SZRD1: variants seen among roughly 807,000 people sequenced by gnomAD.
The protein encoded by SZRD1 is SUZ RNA binding domain containing 1.
SZRD1 carries 7 observed loss-of-function variants against 17.6 expected under a neutral mutation model. The ratio of observed to expected loss-of-function variants is 0.40; its 90% CI spans 0.23 to 0.75. The LOEUF is 0.75. Among genes scored for constraint, SZRD1 ranks in the 30% least tolerant of loss-of-function variants. The probability of loss-of-function intolerance (pLI) is 0.38; values close to 1 mark genes in which losing one functional copy is unlikely to be tolerated. For synonymous variants in SZRD1, 77 were observed against 77.9 expected, an observed-to-expected ratio of 0.99 and a Z score of 0.06; for missense variants, 178 against 201.8, an observed-to-expected ratio of 0.88 and a Z score of 0.71.
chr1:16,389,357 C>T (rs1205899412), intron 1 of SZRD1, among the ~76,000 whole-genome samples: 3 of 152,042 alleles, frequency 2.0e-5, no homozygotes, highest in African/African-American at 4.8e-5. Flanking sequence ...CTTCGCCTCC[C>T]GGGTTCACGC....
chr1:16,367,449 C>G (rs2082839704), intron 1 of SZRD1, 141 bp downstream of exon 1: 3 of 749,726 alleles, frequency 4.0e-6, no homozygotes, highest in Non-Finnish European at 6.2e-6. Flanking sequence ...GCCCCCAGTT[C>G]CTGAGCGCCG....
At position 16,373,651 on chromosome 1, in the gene SZRD1, G is replaced by C. The variant is rs187478228; in HGVS notation, c.51+6343G>C. Among the ~76,000 whole-genome samples the C allele has an allele frequency of 3.3e-5, 5 of 150,698 alleles. No homozygotes were observed. In the East Asian group the frequency reaches 9.8e-4, roughly 29 times the overall value. ...TCTCACTCTGTCACCCAGGCTGAGC[G>C]CAGTGGTGCAATGATGACTTACTGC... is the stretch of plus-strand genomic sequence containing the variant. On this transcript the variant is annotated intron_variant, in intron 1 of 3. Coordinates refer to ENST00000401088, the MANE Select transcript of SZRD1 (RefSeq NM_001114600.3).
At chr1:16,369,222 A>G in intron 1 of SZRD1, 1 of 511,702 alleles carries the variant, frequency 2.0e-6, no homozygotes, top group Non-Finnish European at 3.5e-6. Context: ...CTTTGCTGTT[A>G]GTAACTAGGA....
At position 16,391,425 on chromosome 1, in the gene SZRD1, G is replaced by T; in HGVS notation, c.101+1G>T. On this transcript the variant is annotated splice_donor_variant, in intron 2 of 3. Transcript: ENST00000401088. LOFTEE classifies it high-confidence loss of function. The surrounding 1 kb of genome is among the most constrained non-coding windows in gnomAD (Gnocchi z 4.3). ...AACTGAAGATCACACAAAAAGAGAGGTAAGGCTGCTGTCTGGTCTGAGGGC... is the reference window on the plus strand; with the variant it reads ...AACTGAAGATCACACAAAAAGAGAGTTAAGGCTGCTGTCTGGTCTGAGGGC... 1 of 1,548,944 alleles carries T rather than the reference G, an allele frequency of 6.5e-7. No homozygotes were observed. Among genetic ancestry groups the T allele is most frequent in the Non-Finnish European group, 8.7e-7 (1 of 1,146,258 alleles).
Position 16,395,396 on chromosome 1 carries a change from G to T in SZRD1, c.*256G>T. 2.0e-6 allele frequency: 1 copy of T among 499,424 alleles called. No individual in the cohort carries two copies. Among genetic ancestry groups the T allele is most frequent in the Non-Finnish European group, 3.7e-6 (1 of 271,884 alleles). 30.9% of individuals were successfully genotyped at this position (499,424 alleles called of 1,614,324 possible). On this transcript the variant is annotated 3_prime_UTR_variant, in exon 4 of 4. Coordinates refer to ENST00000401088, the MANE Select transcript of SZRD1 (RefSeq NM_001114600.3). ...AGTCAATGGAAAGGGAAAGGGTGGG[G>T]GTTAGGGGAAGGTTGGGGGGACCCA...
chr1:16,370,870 A>G (rs139828322), intron 1 of SZRD1, among the ~76,000 whole-genome samples: 6 of 152,168 alleles, frequency 3.9e-5, no homozygotes, highest in South Asian at 2.1e-4. Flanking sequence ...TCCCTTTTCA[A>G]ATTTCACAAA....
At chr1:16,374,005 T>C (rs952975285) in intron 1 of SZRD1, among the ~76,000 whole-genome samples, 1 of 152,094 alleles carries the variant, frequency 6.6e-6, no homozygotes, top group Non-Finnish European at 1.5e-5. Flanking sequence ...CACTCTGGGG[T>C]CCCCAATGCT....
At position 16,376,543 on chromosome 1, in the gene SZRD1, C is replaced by T. The variant is rs538377011; in HGVS notation, c.51+9235C>T. On this transcript the variant is annotated intron_variant, in intron 1 of 3. Transcript: ENST00000401088. ...TTATTGGGCAGGGCGCATTGGGTCA[C>T]GCCTGTAATCCCAGCACTTTGGGGG... Among the ~76,000 whole-genome samples the T allele has an allele frequency of 7.9e-5, 12 of 152,248 alleles. No individual in the cohort carries two copies. The South Asian group carries it at 2.5e-3, about 32-fold the overall frequency.
intron 1 of SZRD1, among the ~76,000 whole-genome samples, chr1:16,381,762 T>C (rs1453767642): frequency 6.6e-6 from 1 of 150,504 alleles, no homozygotes; most frequent in Non-Finnish European, 1.5e-5. Flanking sequence ...TGAAGCTCTG[T>C]CTCTACTAAA....
Position 16,391,250 on chromosome 1 carries a change from A to G in SZRD1, c.52-125A>G, listed in dbSNP as rs866267862. On this transcript the variant is annotated intron_variant, in intron 1 of 3. Coordinates refer to ENST00000401088, the MANE Select transcript of SZRD1 (RefSeq NM_001114600.3). This position sits in a 1 kb window ranked among gnomAD's most constrained non-coding sequence, Gnocchi z 4.3. ...CCCCAAAATCTAGTCCACATTTGTTATGTTGAAGGACACAGTCATGTCCCT... is the reference window on the plus strand; with the variant it reads ...CCCCAAAATCTAGTCCACATTTGTTGTGTTGAAGGACACAGTCATGTCCCT... 2 of 706,030 alleles carry G rather than the reference A, an allele frequency of 2.8e-6. No homozygotes were observed. Among genetic ancestry groups the G allele is most frequent in the South Asian group, 1.9e-5 (1 of 53,082 alleles). 43.7% of individuals were successfully genotyped at this position (706,030 alleles called of 1,614,324 possible). A position where few individuals can be genotyped will look rare whatever the true frequency, so the allele number is the denominator to read the frequency against.
intron 1 of SZRD1, among the ~76,000 whole-genome samples, chr1:16,389,169 C>T (rs1441719022): frequency 6.7e-6 from 1 of 149,878 alleles, no homozygotes; most frequent in South Asian, 2.1e-4. Flanking sequence ...CTGCAAGCTC[C>T]ACCTCCCAGG....
chr1:16,384,812 G>C (rs2083161457), intron 1 of SZRD1, among the ~76,000 whole-genome samples: 1 of 152,210 alleles, frequency 6.6e-6, no homozygotes, highest in Admixed American at 6.5e-5. Flanking sequence ...GATTCTGGGA[G>C]AAATCTGTTG....
At chr1:16,370,971 T>C (rs1266330469) in intron 1 of SZRD1, among the ~76,000 whole-genome samples, 4 of 152,240 alleles carry the variant, frequency 2.6e-5, no homozygotes, top group African/African-American at 9.6e-5. Context: ...AGGCTATACA[T>C]GTCTTTCATA....
chr1:16,384,765 C>T (rs758808832), intron 1 of SZRD1, among the ~76,000 whole-genome samples: 4 of 152,128 alleles, frequency 2.6e-5, no homozygotes, highest in Admixed American at 6.5e-5. Flanking sequence ...TTTCTTTGCC[C>T]TTTGCTTTTT....
intron 1 of SZRD1, among the ~76,000 whole-genome samples, chr1:16,381,136 C>T (rs2083093755): frequency 6.6e-6 from 1 of 150,760 alleles, no homozygotes; most frequent in African/African-American, 2.4e-5. Context: ...TGCCTATAAT[C>T]CCAGCTGCTC....
chr1:16,385,361 T>G (rs561151177), intron 1 of SZRD1, among the ~76,000 whole-genome samples: 9 of 152,270 alleles, frequency 5.9e-5, no homozygotes, highest in African/African-American at 1.9e-4. Flanking sequence ...GTTTGTTCAC[T>G]TTGTCTCTTG....
chr1:16,389,481 T>TG (rs1290237545), intron 1 of SZRD1, among the ~76,000 whole-genome samples: 2 of 151,388 alleles, frequency 1.3e-5, no homozygotes, highest in Non-Finnish European at 1.5e-5. Flanking sequence ...TTTTTTTTTT[T>TG]TTGTATGTTT....
intron 1 of SZRD1, among the ~76,000 whole-genome samples, chr1:16,378,285 C>CTTT (rs36025947): frequency 3.8e-4 from 48 of 127,494 alleles, no homozygotes; most frequent in Non-Finnish European, 6.0e-4. Context: ...TTGGCAACTT[C>CTTT]TTTTTTTTTT....
intron 1 of SZRD1, chr1:16,369,344 T>C: frequency 1.3e-6 from 1 of 789,942 alleles, no homozygotes; most frequent in Non-Finnish European, 2.2e-6. Context: ...CTCCTTTCAA[T>C]GGTCGCCATC....
Sources: gnomAD v4.1 joint callset for allele counts (sites outside exome capture counted in the v4.1 genomes callset) on GRCh38, gnomAD v4.1.1 for gene constraint, Gnocchi (gnomAD v3.1) non-coding constraint, MANE v1.5 for transcripts, NCBI Gene and HGNC (gene_info 2026-07-23, HGNC 2026-07-21) for gene names.